Variants in PCMTD1 observed in about 807,000 individuals in gnomAD.
PCMTD1 encodes protein-L-isoaspartate (D-aspartate) O-methyltransferase domain containing 1.
PCMTD1 carries 12 observed loss-of-function variants against 37.6 expected under a neutral mutation model. The ratio of observed to expected loss-of-function variants is 0.32; its 90% confidence interval spans 0.20 to 0.52. The LOEUF is 0.52. Among genes scored for constraint, PCMTD1 ranks in the 20% least tolerant of loss-of-function variants. The pLI is 0.97. For missense variants in PCMTD1, 235 were observed against 421.3 expected, an observed-to-expected ratio of 0.56 and a Z score of 3.87; for synonymous variants, 117 against 135.8, an observed-to-expected ratio of 0.86 and a Z score of 0.96.
intron 3 of PCMTD1, among the ~76,000 whole-genome samples, chr8:51,838,036 C>T (rs1234878569): frequency 6.6e-6 from 1 of 152,182 alleles, no homozygotes; most frequent in East Asian, 1.9e-4. Flanking sequence ...ATCTACCTGC[C>T]TGGGCCTCCC....
At chr8:51,898,169 T>TTTGTGAA (rs370359314) in intron 1 of PCMTD1, among the ~76,000 whole-genome samples, 2 of 151,932 alleles carry the variant, frequency 1.3e-5, no homozygotes, top group Admixed American at 6.6e-5. Flanking sequence ...ATTCTTCTGA[T>TTTGTGAA]TTGTAATGTT....
chr8:51,817,879 T>C lies in PCMTD1; in HGVS notation c.*2472A>G, dbSNP rs1411715187. The C allele has an allele frequency of 8.8e-6, 4 of 456,696 alleles. No individual in the cohort carries two copies. The highest frequency in any genetic ancestry group is 6.0e-5 in the African/African-American group (3 of 50,110). The allele number at this position is 456,696 out of a possible 1,614,324, so 28.3% of individuals were successfully genotyped here. The stretch of plus-strand genomic sequence containing the variant: ...ATCTTAGGCCCTGTCTCTAACTCAC[T>C]GTATGTTTCAGGCAAAACATGCCAC... On this transcript the variant is annotated 3_prime_UTR_variant, in exon 6 of 6. Coordinates refer to ENST00000522514, the MANE Select transcript of PCMTD1 (RefSeq NM_052937.4).
chr8:51,888,755 T>C (rs1221038847), intron 1 of PCMTD1, among the ~76,000 whole-genome samples: 1 of 152,208 alleles, frequency 6.6e-6, no homozygotes, highest in African/African-American at 2.4e-5. Flanking sequence ...GTTGCAAAGA[T>C]TAAAAACAAA....
intron 3 of PCMTD1, among the ~76,000 whole-genome samples, chr8:51,839,038 T>A (rs1161910904): frequency 6.6e-6 from 1 of 152,114 alleles, no homozygotes; most frequent in Non-Finnish European, 1.5e-5. Flanking sequence ...GATTTAGGAG[T>A]TCATTAAAAT....
intron 1 of PCMTD1, among the ~76,000 whole-genome samples, chr8:51,861,983 G>A (rs2129287121): frequency 6.6e-6 from 1 of 152,174 alleles, no homozygotes; most frequent in Admixed American, 6.5e-5. Context: ...CAAAGTGCTG[G>A]GATAACAGGC....
intron 1 of PCMTD1, among the ~76,000 whole-genome samples, chr8:51,896,817 G>A (rs910689164): frequency 2.0e-5 from 3 of 149,922 alleles, no homozygotes; most frequent in South Asian, 2.1e-4. Context: ...TTCATAGGAG[G>A]TAAAACAAGA....
chr8:51,874,501 TAA>T (rs941845491), intron 1 of PCMTD1, among the ~76,000 whole-genome samples: 35 of 152,322 alleles, frequency 2.3e-4, no homozygotes, highest in South Asian at 4.1e-4. Flanking sequence ...GTATTTTCAA[TAA>T]ACTGTTTAAA....
At chr8:51,898,611 C>T (rs2039045944) in intron 1 of PCMTD1, among the ~76,000 whole-genome samples, 1 of 152,114 alleles carries the variant, frequency 6.6e-6, no homozygotes, top group Non-Finnish European at 1.5e-5. Context: ...GAGGACGCGG[C>T]GCCCCGGCCT....
intron 3 of PCMTD1, among the ~76,000 whole-genome samples, chr8:51,838,985 G>A (rs917427219): frequency 2.6e-5 from 4 of 151,990 alleles, no homozygotes; most frequent in Non-Finnish European, 4.4e-5. Context: ...ATAATTACTC[G>A]TAAAAGAATG....
At chr8:51,859,170 A>T (rs2038435793) in intron 2 of PCMTD1, among the ~76,000 whole-genome samples, 1 of 152,142 alleles carries the variant, frequency 6.6e-6, no homozygotes. Context: ...CAAACATGGT[A>T]TAAGGCTTGG....
At chr8:51,856,743 A>C (rs972222869) in intron 2 of PCMTD1, among the ~76,000 whole-genome samples, 4 of 152,258 alleles carry the variant, frequency 2.6e-5, no homozygotes, top group Non-Finnish European at 5.9e-5. Flanking sequence ...AAGTGAAAGA[A>C]GCTGGATTCA....
chr8:51,873,413 G>A (rs2038665488), intron 1 of PCMTD1, among the ~76,000 whole-genome samples: 1 of 152,080 alleles, frequency 6.6e-6, no homozygotes, highest in African/African-American at 2.4e-5. Flanking sequence ...TTCATTTACT[G>A]GAGCAAATTA....
chr8:51,860,527 T>C (rs2038456689), intron 2 of PCMTD1: 2 of 192,658 alleles, frequency 1.0e-5, no homozygotes, highest in Admixed American at 1.1e-4. Flanking sequence ...AAACTTTATA[T>C]GCCAGAAGAC....
intron 3 of PCMTD1, chr8:51,839,451 G>A (rs1317907770): frequency 2.0e-6 from 2 of 985,096 alleles, no homozygotes; most frequent in Non-Finnish European, 2.4e-6. Context: ...ACTTACCTTA[G>A]CAGTGGTTTT....
chr8:51,829,749 G>A (rs927922909), intron 5 of PCMTD1, among the ~76,000 whole-genome samples: 5 of 152,066 alleles, frequency 3.3e-5, no homozygotes, highest in Admixed American at 6.6e-5. Context: ...CGGCCTGGGT[G>A]ACAGAATGAG....
At chr8:51,873,848 G>A (rs964525949) in intron 1 of PCMTD1, among the ~76,000 whole-genome samples, 2 of 151,874 alleles carry the variant, frequency 1.3e-5, no homozygotes, top group African/African-American at 4.8e-5. Flanking sequence ...GAAGAACCAT[G>A]AGCCAAACAA....
intron 1 of PCMTD1, among the ~76,000 whole-genome samples, chr8:51,898,087 A>C (rs887236754): frequency 6.6e-6 from 1 of 152,190 alleles, no homozygotes; most frequent in African/African-American, 2.4e-5. Context: ...AGGAGCAAGC[A>C]GTACTTTTGT....
intron 2 of PCMTD1, chr8:51,850,202 A>G (rs1298641274): frequency 8.0e-6 from 5 of 628,446 alleles, no homozygotes; most frequent in Non-Finnish European, 1.4e-5. Flanking sequence ...TTCCCACTGT[A>G]TAATAGTAGT....
At chr8:51,879,679 T>G (rs1318137350) in intron 1 of PCMTD1, among the ~76,000 whole-genome samples, 2 of 152,072 alleles carry the variant, frequency 1.3e-5, no homozygotes, top group African/African-American at 4.8e-5. Context: ...CAACTATGTA[T>G]CTCATTTCAG....
Sources: allele counts gnomAD v4.1 joint callset (sites outside exome capture counted in the v4.1 genomes callset), GRCh38; gene constraint gnomAD v4.1.1; transcripts MANE v1.5; gene names NCBI Gene and HGNC (gene_info 2026-07-23, HGNC 2026-07-21).